The following FAM81A variants were observed in gnomAD, a reference collection of about 807,000 sequenced individuals.
FAM81A encodes the protein family with sequence similarity 81 member A.
In FAM81A, 19 loss-of-function variants were observed where a neutral mutation model predicts 46.7. That is an observed-to-expected ratio of 0.41 (90% CI 0.28 to 0.60). The LOEUF (loss-of-function observed/expected upper bound fraction) is 0.60, where lower values mean the gene tolerates loss of function less well. Among genes scored for constraint, FAM81A ranks in the 20% least tolerant of loss-of-function variants. The pLI is 0.34. For synonymous variants in FAM81A, 183 were observed against 152.9 expected, an observed-to-expected ratio of 1.20 and a Z score of -1.45; for missense variants, 377 against 453.5, an observed-to-expected ratio of 0.83 and a Z score of 1.53.
chr15:59,471,849 A>T (rs1420161222), intron 3 of FAM81A, among the ~76,000 whole-genome samples: 1 of 152,150 alleles, frequency 6.6e-6, no homozygotes, highest in Non-Finnish European at 1.5e-5. Context: ...AAGGACAAGG[A>T]TTCACTCAGA....
intron 4 of FAM81A, among the ~76,000 whole-genome samples, chr15:59,506,448 C>T (rs1307438947): frequency 6.6e-6 from 1 of 152,106 alleles, no homozygotes; most frequent in Non-Finnish European, 1.5e-5. Flanking sequence ...TCTAGGCCCA[C>T]CTTCTAGTGT....
Position 59,398,311 on chromosome 15 carries a change from A to G in FAM81A, c.-160-3965A>G, listed in dbSNP as rs527476112. Among the ~76,000 whole-genome samples, 16 of 152,350 alleles carry G rather than the reference A, an allele frequency of 1.1e-4. No homozygotes were observed. In the South Asian group the frequency reaches 3.3e-3, roughly 32 times the overall value. ...TAAGTGTTTTCATAGGAATAAACAC[A>G]TGGGAGGAACACTGTGTAAATTTGG... On this transcript the variant is annotated intron_variant, in intron 1 of 4. Coordinates refer to the FAM81A transcript ENST00000558348.
chr15:59,489,750 C>T (rs2081962426), intron 3 of FAM81A, among the ~76,000 whole-genome samples: 1 of 152,096 alleles, frequency 6.6e-6, no homozygotes, highest in Non-Finnish European at 1.5e-5. Context: ...GAAACAAATC[C>T]ATACATCTAC....
chr15:59,406,106 G>A (rs2081093886), intron 2 of FAM81A, among the ~76,000 whole-genome samples: 1 of 152,180 alleles, frequency 6.6e-6, no homozygotes, highest in African/African-American at 2.4e-5. Context: ...CAGGGGAATG[G>A]GTGGGTCTGA....
chr15:59,462,814 G>A (rs1010761525), intron 3 of FAM81A, among the ~76,000 whole-genome samples: 1 of 152,022 alleles, frequency 6.6e-6, no homozygotes, highest in African/African-American at 2.4e-5. Flanking sequence ...TGTTTTCAAG[G>A]TCCATCCATA....
chr15:59,477,657 A>G (rs968610482), intron 3 of FAM81A, among the ~76,000 whole-genome samples: 8 of 152,194 alleles, frequency 5.3e-5, no homozygotes, highest in African/African-American at 1.9e-4. Context: ...ACACCTACCA[A>G]TGTCTAAGAC....
rs530252240 is a variant in FAM81A at position 59,432,036 on chromosome 15, TCTTA to T, written c.-77-26510_-77-26507del. 1.5e-3 allele frequency among the ~76,000 whole-genome samples: 232 copies of T among 152,328 alleles called. 2 individuals are homozygous for T. The highest frequency in any genetic ancestry group is 4.1e-3 in the South Asian group (20 of 4,830). On this transcript the variant is annotated intron_variant, in intron 2 of 4. Coordinates refer to the FAM81A transcript ENST00000558348. ...AAAACAACTGCATAATATTAATTTA[TCTTA>T]CTTTGTTATTTTTCTTTTTTCTTTA...
At chr15:59,463,940 GT>G (rs2081582681) in intron 3 of FAM81A, among the ~76,000 whole-genome samples, 1 of 151,954 alleles carries the variant, frequency 6.6e-6, no homozygotes, top group Non-Finnish European at 1.5e-5. Flanking sequence ...ATTTTGTGTC[GT>G]TTAACAAGTT....
At chr15:59,453,262 T>C (rs1470889631) in intron 1 of FAM81A, among the ~76,000 whole-genome samples, 1 of 152,194 alleles carries the variant, frequency 6.6e-6, no homozygotes, top group Non-Finnish European at 1.5e-5. Flanking sequence ...AAATCTCTGC[T>C]CTACTGCTTC....
intron 2 of FAM81A, among the ~76,000 whole-genome samples, chr15:59,414,494 G>A (rs995663005): frequency 1.3e-5 from 2 of 152,166 alleles, no homozygotes; most frequent in Non-Finnish European, 1.5e-5. Flanking sequence ...AGAGGAGGAG[G>A]TATGTAGGCA....
chr15:59,432,105 T>C (rs1438502829), intron 2 of FAM81A, among the ~76,000 whole-genome samples: 8 of 152,266 alleles, frequency 5.3e-5, no homozygotes, highest in Non-Finnish European at 1.2e-4. Flanking sequence ...TATTGTCTAT[T>C]AATTACAATT....
chr15:59,511,720 C>T (rs960441451), intron 6 of FAM81A, among the ~76,000 whole-genome samples: 2 of 152,148 alleles, frequency 1.3e-5, no homozygotes, highest in Non-Finnish European at 2.9e-5. Context: ...TGCTTGATCT[C>T]GGCTCACTGC....
chr15:59,485,271 C>T (rs549059881), intron 3 of FAM81A, among the ~76,000 whole-genome samples: 10 of 152,260 alleles, frequency 6.6e-5, no homozygotes, highest in African/African-American at 2.2e-4. Context: ...AGTGAACATA[C>T]GGGTAGCCAT....
intron 1 of FAM81A, among the ~76,000 whole-genome samples, chr15:59,451,253 C>T (rs965683655): frequency 2.0e-5 from 3 of 152,004 alleles, no homozygotes; most frequent in South Asian, 4.2e-4. Context: ...TTGTGTTTGC[C>T]GATTCCTGTG....
intron 3 of FAM81A, among the ~76,000 whole-genome samples, chr15:59,486,737 C>A (rs1280207487): frequency 6.6e-6 from 1 of 151,852 alleles, no homozygotes. Context: ...CTTTAAAGTG[C>A]TGAAGGAAAA....
chr15:59,492,422 CA>C (rs1466561733), intron 4 of FAM81A, 33 bp downstream of exon 4: 3 of 1,546,170 alleles, frequency 1.9e-6, no homozygotes, highest in Non-Finnish European at 2.7e-6. Context: ...CTCTGCTCAT[CA>C]AAAACCATTT....
intron 6 of FAM81A, 128 bp from the exon 7 acceptor site, chr15:59,514,161 C>A: frequency 2.0e-6 from 2 of 988,888 alleles, no homozygotes; most frequent in Non-Finnish European, 2.9e-6. Flanking sequence ...ACAGATGCAG[C>A]AAACCACCAT....
rs1424184526 is a variant in FAM81A at position 59,521,534 on chromosome 15, G to C, written c.*156G>C. ...TTATGGGTCTAAATGTTTACCTTGA[G>C]TCTTGAAAATACTCTTTTGTTAAAA... On this transcript the variant is annotated 3_prime_UTR_variant, in exon 9 of 9. Transcript: ENST00000288228. The C allele has an allele frequency of 1.4e-5, 10 of 731,880 alleles. No homozygotes were observed. Among genetic ancestry groups the C allele is most frequent in the Non-Finnish European group, 1.8e-5 (9 of 511,530 alleles). 45.3% of individuals were successfully genotyped at this position (731,880 alleles called of 1,614,324 possible).
At chr15:59,401,081 C>T in intron 1 of FAM81A, 15 of 525,494 alleles carry the variant, frequency 2.9e-5, no homozygotes, top group Non-Finnish European at 4.5e-5. Flanking sequence ...ATTTTTTTTC[C>T]ATTTTAATGT....
Sources: allele counts gnomAD v4.1 joint callset (sites outside exome capture counted in the v4.1 genomes callset), GRCh38; gene constraint gnomAD v4.1.1; transcripts MANE v1.5; gene names NCBI Gene and HGNC (gene_info 2026-07-23, HGNC 2026-07-21).